VPS13D: variants seen among roughly 807,000 people sequenced by gnomAD.
The protein encoded by VPS13D is vacuolar protein sorting 13 homolog D.
A neutral mutation model predicts 461.9 loss-of-function variants in VPS13D; 187 were observed. The observed-to-expected ratio is 0.40, with a 90% CI of 0.36 to 0.46. The LOEUF (loss-of-function observed/expected upper bound fraction) is 0.46, where lower values mean the gene tolerates loss of function less well. Among genes scored for constraint, VPS13D ranks in the 20% least tolerant of loss-of-function variants. VPS13D has a pLI of 0.60. For missense variants in VPS13D, 4,711 were observed against 5,364.9 expected (o/e 0.88, Z 3.81); for synonymous variants, 1,951 against 1,986.3 (o/e 0.98, Z 0.47).
Position 12,266,859 on chromosome 1 carries a change from CTA to C in VPS13D, c.1595-20_1595-19del. The stretch of plus-strand genomic sequence containing the variant: ...TAGGCTCTCATAAGCATTGTATCAA[CTA>C]TTTTATTTATCTTTTATAGATGTAA... On this transcript the variant is annotated intron_variant, in intron 13 of 69. Transcript: ENST00000620676. 1 of 1,530,260 alleles carries C rather than the reference CTA, an allele frequency of 6.5e-7. No homozygotes were observed. The highest frequency in any genetic ancestry group is 1.3e-5 in the South Asian group (1 of 78,568). 94.8% of individuals were successfully genotyped at this position (1,530,260 alleles called of 1,614,324 possible).
intron 10 of VPS13D, among the ~76,000 whole-genome samples, chr1:12,259,347 C>T (rs1056993517): frequency 3.6e-4 from 54 of 150,298 alleles, no homozygotes; most frequent in Non-Finnish European, 2.9e-5. Context: ...ACAGGATCTC[C>T]TTCTGTCATC....
intron 67 of VPS13D, among the ~76,000 whole-genome samples, chr1:12,460,811 T>G (rs755651787): frequency 6.6e-6 from 1 of 152,164 alleles, no homozygotes; most frequent in Non-Finnish European, 1.5e-5. Flanking sequence ...AGTCTGGTTC[T>G]TACTCCTACA....
intron 57 of VPS13D, among the ~76,000 whole-genome samples, chr1:12,380,642 C>G (rs963669185): frequency 2.0e-5 from 3 of 152,200 alleles, no homozygotes; most frequent in African/African-American, 7.2e-5. Context: ...ATGCAGTAGA[C>G]TAGCACCTGC....
At chr1:12,400,070 G>A in intron 60 of VPS13D, 111 bp from the exon 61 acceptor site, 5 of 1,205,138 alleles carry the variant, frequency 4.1e-6, no homozygotes, top group Non-Finnish European at 4.7e-6. Context: ...GAAATGACAA[G>A]GGTACTTTCT....
rs1318420685 is a variant in VPS13D, at chr1:12,339,102, T to A, written c.8626+797T>A. Reference sequence around the variant, plus strand: ...ATACTCAGGGTACATTGCCCTGGGTTTTTTTTTTCTGGACAATTTTACCAG... The same window carrying A: ...ATACTCAGGGTACATTGCCCTGGGTATTTTTTTTCTGGACAATTTTACCAG... On this transcript the variant is annotated intron_variant, in intron 40 of 69. Coordinates refer to ENST00000620676, the MANE Select transcript of VPS13D (RefSeq NM_015378.4). 3.0e-5 allele frequency among the ~76,000 whole-genome samples: 4 copies of A among 134,760 alleles called. No homozygotes were observed. The South Asian group carries it at 9.5e-4, about 32-fold the overall frequency. The allele number at this position is 134,760 out of a possible 152,430, so 88.4% of individuals were successfully genotyped here. A position where few individuals can be genotyped will look rare whatever the true frequency, so the allele number is the denominator to read the frequency against.
At chr1:12,335,958 G>A in intron 39 of VPS13D, 131 bp downstream of exon 39, 1 of 1,376,888 alleles carries the variant, frequency 7.3e-7, no homozygotes, top group Non-Finnish European at 9.9e-7. Context: ...ATCTTCTGTA[G>A]TTCTGTTTTA....
chr1:12,401,504 A>G (rs1644580634), intron 61 of VPS13D, 104 bp from the exon 62 acceptor site: 5 of 756,866 alleles, frequency 6.6e-6, no homozygotes, highest in Non-Finnish European at 1.1e-5. Flanking sequence ...TTATAAAGCC[A>G]CATGATTAAT....
At chr1:12,467,180 AT>A (rs920067176) in intron 67 of VPS13D, among the ~76,000 whole-genome samples, 2 of 151,682 alleles carry the variant, frequency 1.3e-5, no homozygotes, top group African/African-American at 4.8e-5. Context: ...ATTTTATTTT[AT>A]TTTTTTTCAA....
At chr1:12,335,085 T>C (rs1212165194) in intron 38 of VPS13D, among the ~76,000 whole-genome samples, 1 of 152,226 alleles carries the variant, frequency 6.6e-6, no homozygotes, top group Non-Finnish European at 1.5e-5. Flanking sequence ...AAACTACTTG[T>C]GGAGAATTGT....
intron 68 of VPS13D, among the ~76,000 whole-genome samples, chr1:12,504,840 C>G (rs569596044): frequency 3.3e-5 from 5 of 152,156 alleles, no homozygotes; most frequent in African/African-American, 1.2e-4. Flanking sequence ...CTAGTCATGT[C>G]GGCCACTCTG....
rs573179785 is a variant in VPS13D at position 12,363,791 on chromosome 1, A to G, written c.10448+544A>G. Among the ~76,000 whole-genome samples, 3 of 152,016 alleles carry G rather than the reference A, an allele frequency of 2.0e-5. No homozygotes were observed. In the South Asian group the frequency reaches 6.2e-4, roughly 32 times the overall value. On this transcript the variant is annotated intron_variant, in intron 52 of 69. Coordinates refer to ENST00000620676, the MANE Select transcript of VPS13D (RefSeq NM_015378.4). Reference sequence around the variant, plus strand: ...AACATGATGAAACCCCGTCTCTACTAAAAATACAAAAATTAGCTGGGCGTG... The same window carrying G: ...AACATGATGAAACCCCGTCTCTACTGAAAATACAAAAATTAGCTGGGCGTG...
chr1:12,432,943 G>A (rs146771598), intron 65 of VPS13D, among the ~76,000 whole-genome samples: 268 of 152,340 alleles, frequency 1.8e-3, no homozygotes, highest in South Asian at 3.7e-3. Flanking sequence ...TCTGGCTGCT[G>A]CCAACAAAAT....
chr1:12,321,695 T>G, intron 32 of VPS13D, 114 bp from the exon 33 acceptor site: 1 of 1,128,762 alleles, frequency 8.9e-7, no homozygotes, highest in Non-Finnish European at 1.2e-6. Context: ...GCAGTTGTTA[T>G]GGGTCTTATG....
At chr1:12,330,598 C>T (rs1027465433) in intron 37 of VPS13D, among the ~76,000 whole-genome samples, 1 of 152,046 alleles carries the variant, frequency 6.6e-6, no homozygotes, top group African/African-American at 2.4e-5. Flanking sequence ...GACCGAGTCT[C>T]ACTCTGTCAC....
chr1:12,400,634 C>A (rs1275274443), intron 61 of VPS13D, among the ~76,000 whole-genome samples: 1 of 152,086 alleles, frequency 6.6e-6, no homozygotes, highest in East Asian at 1.9e-4. Flanking sequence ...CAGGACCAGG[C>A]ATGATCCAGA....
Position 12,311,600 on chromosome 1 carries a change from A to G in VPS13D, c.6797A>G (p.Tyr2266Cys). ...GEPIEEFMRP[Y>C]DLQDPRIHTV... is the part of the protein sequence containing the mutation. ...CCCATAGAGGAATTTATGCGGCCTT[A>G]TGATTTACAAGATCCAAGAATTCAT... The change falls in exon 28 of 70, where the codon TAT becomes TGT. Residue 2266 changes from tyrosine (Y) to cysteine (C), a missense_variant. Tyr to Cys is a radical substitution (Grantham distance 194). Around this residue, in one of 3 missense-constraint regions of VPS13D, gnomAD observed 4,411 missense variants for 4,937.8 expected, o/e 0.89. Coordinates refer to ENST00000620676, the MANE Select transcript of VPS13D (RefSeq NM_015378.4). 3 of 1,614,176 alleles carry G rather than the reference A, an allele frequency of 1.9e-6. No individual in the cohort carries two copies. Among genetic ancestry groups the G allele is most frequent in the South Asian group, 1.1e-5 (1 of 91,082 alleles).
At chr1:12,263,504 T>A (rs1290996686) in intron 13 of VPS13D, among the ~76,000 whole-genome samples, 1 of 152,264 alleles carries the variant, frequency 6.6e-6, no homozygotes, top group Admixed American at 6.5e-5. Flanking sequence ...TAATGAGGAT[T>A]GACTTGACAG....
At chr1:12,472,932 A>C (rs1027663579) in intron 67 of VPS13D, among the ~76,000 whole-genome samples, 1 of 152,208 alleles carries the variant, frequency 6.6e-6, no homozygotes, top group Non-Finnish European at 1.5e-5. Context: ...TCTGGTGAGA[A>C]GCCGTTGCCA....
At chr1:12,242,619 A>G (rs1320134467) in intron 3 of VPS13D, 29 bp downstream of exon 3, 1 of 1,594,008 alleles carries the variant, frequency 6.3e-7, no homozygotes. Flanking sequence ...GGGGGAAGAA[A>G]TTTGAGTCTT....
Sources: allele counts gnomAD v4.1 joint callset (sites outside exome capture counted in the v4.1 genomes callset), GRCh38; gene constraint gnomAD v4.1.1; regional missense constraint gnomAD v4.1.1; transcripts MANE v1.5; gene names NCBI Gene and HGNC (gene_info 2026-07-23, HGNC 2026-07-21).